The following MAN2A1 variants were observed in gnomAD, a reference collection of about 807,000 sequenced individuals.
MAN2A1 encodes mannosidase alpha class 2A member 1, also known as alpha-mannosidase 2.
Under a neutral mutation model 142.6 loss-of-function variants are expected in MAN2A1, and 76 were observed. The observed-to-expected ratio is 0.53, with a 90% CI of 0.44 to 0.65. The LOEUF (loss-of-function observed/expected upper bound fraction) is 0.65. Ranked by LOEUF, MAN2A1 falls within the 30% of genes least tolerant of loss-of-function variation. The pLI is 0.00. For missense variants in MAN2A1, 1,311 were observed against 1,365.1 expected (o/e 0.96, Z 0.62); for synonymous variants, 559 against 473.2 (o/e 1.18, Z -2.35).
At position 109,842,481 on chromosome 5, in the gene MAN2A1, GT is replaced by G; in HGVS notation, c.2700+23del. The G allele has an allele frequency of 6.7e-7, 1 of 1,500,448 alleles. No homozygotes were observed. 92.9% of individuals were successfully genotyped at this position (1,500,448 alleles called of 1,614,324 possible). On this transcript the variant is annotated intron_variant, in intron 17 of 21. Transcript: ENST00000261483. ...TACCAGGTAATTTTTCCTTTAAAAT[GT>G]TTAAGTAATGGTTGTATTGGTGTGT...
intron 4 of MAN2A1, among the ~76,000 whole-genome samples, chr5:109,736,492 G>A (rs1277666768): frequency 6.6e-6 from 1 of 152,026 alleles, no homozygotes; most frequent in Non-Finnish European, 1.5e-5. Context: ...ACTCCAGCCT[G>A]GGTGACTGGG....
intron 16 of MAN2A1, among the ~76,000 whole-genome samples, chr5:109,831,323 C>T (rs1204040147): frequency 1.3e-5 from 2 of 152,090 alleles, no homozygotes; most frequent in African/African-American, 4.8e-5. Context: ...TAAGACAAAG[C>T]ATGGTCATTA....
chr5:109,847,459 G>A (rs1023916469), intron 18 of MAN2A1, among the ~76,000 whole-genome samples, 198 bp from the exon 19 acceptor site: 6 of 152,096 alleles, frequency 3.9e-5, no homozygotes, highest in African/African-American at 1.4e-4. Flanking sequence ...ATACTATCCT[G>A]TTTTATGAAT....
chr5:109,778,222 G>T (rs569996925), intron 8 of MAN2A1, among the ~76,000 whole-genome samples: 7 of 151,878 alleles, frequency 4.6e-5, no homozygotes, highest in Non-Finnish European at 7.4e-5. Context: ...ATTGATTTTT[G>T]CATTTTAGCC....
chr5:109,847,607 G>C (rs1755374300), intron 18 of MAN2A1, 50 bp from the exon 19 acceptor site: 12 of 1,404,618 alleles, frequency 8.5e-6, no homozygotes, highest in Non-Finnish European at 1.1e-5. Flanking sequence ...ATGAATGTCA[G>C]TATTAAATTA....
Position 109,701,386 on chromosome 5 carries a change from G to T in MAN2A1, c.135+10834G>T, listed in dbSNP as rs189715152. On this transcript the variant is annotated intron_variant, in intron 1 of 21. Transcript: ENST00000261483. ...TTGATTTAGAATCTTTGGTGCCTGT[G>T]AAGAGTAGTTGGGAAAACACTGTAG... Among the ~76,000 whole-genome samples the T allele has an allele frequency of 3.8e-3, 572 of 152,302 alleles. 4 individuals are homozygous for T. Among genetic ancestry groups the T allele is most frequent in the Admixed American group, 0.015 (226 of 15,300 alleles).
intron 4 of MAN2A1, among the ~76,000 whole-genome samples, chr5:109,738,930 A>C (rs1028583824): frequency 2.0e-5 from 3 of 151,972 alleles, no homozygotes; most frequent in African/African-American, 7.2e-5. Context: ...TGCAGTCTCA[A>C]CCTCCTGGGC....
At chr5:109,863,064 G>A (rs1243379924) in intron 20 of MAN2A1, 2 of 152,132 alleles carry the variant, frequency 1.3e-5, no homozygotes, top group Non-Finnish European at 2.9e-5. Flanking sequence ...CAAATGTGTT[G>A]CAGGAATTTT....
intron 1 of MAN2A1, among the ~76,000 whole-genome samples, chr5:109,700,737 G>A (rs530424487): frequency 1.2e-4 from 18 of 152,218 alleles, no homozygotes; most frequent in Non-Finnish European, 5.9e-5. Flanking sequence ...TAAGGGCACC[G>A]AGTCACACAT....
chr5:109,702,014 G>A (rs1031887440), intron 1 of MAN2A1, among the ~76,000 whole-genome samples: 4 of 152,188 alleles, frequency 2.6e-5, no homozygotes, highest in Non-Finnish European at 5.9e-5. Flanking sequence ...AGCCGAGAAT[G>A]AATGAGCTCA....
At chr5:109,791,181 C>CT (rs908527662) in intron 12 of MAN2A1, among the ~76,000 whole-genome samples, 11 of 151,786 alleles carry the variant, frequency 7.2e-5, no homozygotes, top group Non-Finnish European at 1.2e-4. Context: ...CTTTACAGTT[C>CT]TTTTTTTATC....
At chr5:109,792,113 CTTGT>C (rs940568126) in intron 12 of MAN2A1, among the ~76,000 whole-genome samples, 6 of 152,140 alleles carry the variant, frequency 3.9e-5, no homozygotes, top group African/African-American at 1.4e-4. Context: ...TTGCCATTGG[CTTGT>C]TTAATGGTTC....
intron 4 of MAN2A1, among the ~76,000 whole-genome samples, chr5:109,734,326 G>T (rs1448286013): frequency 1.3e-5 from 2 of 150,066 alleles, no homozygotes; most frequent in African/African-American, 4.9e-5. Flanking sequence ...ACCAGCTGCT[G>T]GATTCATTGA....
chr5:109,737,167 C>T (rs907480986), intron 4 of MAN2A1, among the ~76,000 whole-genome samples: 2 of 143,580 alleles, frequency 1.4e-5, no homozygotes, highest in African/African-American at 2.6e-5. Flanking sequence ...GGTCTCAGCT[C>T]ACTGCAACCT....
At chr5:109,751,400 T>G (rs1582858739) in intron 4 of MAN2A1, among the ~76,000 whole-genome samples, 1 of 152,234 alleles carries the variant, frequency 6.6e-6, no homozygotes, top group East Asian at 1.9e-4. Context: ...TCCATTCATC[T>G]AAATCAACAC....
intron 3 of MAN2A1, among the ~76,000 whole-genome samples, chr5:109,716,526 A>C (rs1751457520): frequency 6.6e-6 from 1 of 152,218 alleles, no homozygotes; most frequent in African/African-American, 2.4e-5. Context: ...ACAAAACAGT[A>C]TATAGTTTTA....
In MAN2A1 at chr5:109,842,090, C is replaced by T. The variant is rs114533245; in HGVS notation, c.2567-238C>T. ...TATACATCATCTACATTTTTCTCAT[C>T]CCAGCTGCTTCATTCTTTAGATGAA... On this transcript the variant is annotated intron_variant, in intron 16 of 21. Transcript: ENST00000261483. 7.1e-3 allele frequency among the ~76,000 whole-genome samples: 1,077 copies of T among 152,242 alleles called. 17 individuals are homozygous for T. The highest frequency in any genetic ancestry group is 0.034 in the Middle Eastern group (10 of 294).
chr5:109,789,557 C>G (rs17162241), intron 12 of MAN2A1, 30 bp downstream of exon 12: 99,691 of 1,461,820 alleles, frequency 0.068, 3,898 homozygotes, highest in African/African-American at 0.15. Flanking sequence ...CAAATGTTTA[C>G]CACTTTCTGG....
Position 109,789,024 on chromosome 5 carries a change from C to G in MAN2A1, c.1851C>G (p.Tyr617Ter). Residue 617 changes from tyrosine (Y) to a stop codon, truncating the protein, a stop_gained, in exon 11 of 22, where the codon TAC becomes TAG. Coordinates refer to ENST00000261483, the MANE Select transcript of MAN2A1 (RefSeq NM_002372.4). LOFTEE classifies it high-confidence loss of function. Reference protein sequence around the residue: ...ILKDKLTYDSYSPDTFLEMDL... With the variant: ...ILKDKLTYDS ...AGGACAAACTCACATACGACTCTTA[C>G]TCTCCTGATACCTTCCTGGAGATGG... 1 of 1,588,348 alleles carries G rather than the reference C, an allele frequency of 6.3e-7. No homozygotes were observed.
Sources: gnomAD v4.1 joint callset for allele counts (sites outside exome capture counted in the v4.1 genomes callset) on GRCh38, gnomAD v4.1.1 for gene constraint, MANE v1.5 for transcripts, NCBI Gene and HGNC (gene_info 2026-07-23, HGNC 2026-07-21) for gene names.